Variants in PDE4B observed in about 807,000 individuals in gnomAD.
PDE4B encodes the protein phosphodiesterase 4B, also known as 3',5'-cyclic-AMP phosphodiesterase 4B.
Under a neutral mutation model 82.2 loss-of-function variants are expected in PDE4B, and 20 were observed. The ratio of observed to expected loss-of-function variants is 0.24; its 90% CI spans 0.17 to 0.35. The LOEUF is 0.35. Among genes scored for constraint, PDE4B ranks in the 10% least tolerant of loss-of-function variants. The pLI is 1.00. For synonymous variants in PDE4B, 320 were observed against 318.9 expected (o/e 1.00, Z -0.04); for missense variants, 655 against 907.2 (o/e 0.72, Z 3.57).
chr1:66,083,057 C>T (rs1039067313), intron 3 of PDE4B, among the ~76,000 whole-genome samples: 7 of 152,006 alleles, frequency 4.6e-5, no homozygotes, highest in African/African-American at 1.2e-4. Context: ...AGTCTTCTGC[C>T]GCCTCCCTCA....
intron 3 of PDE4B, among the ~76,000 whole-genome samples, chr1:65,974,240 T>C (rs1937437): frequency 0.64 from 97,955 of 152,066 alleles, 31,695 homozygotes; most frequent in African/African-American, 0.68. Flanking sequence ...TAAAAAATGT[T>C]CTTAAAAACC....
chr1:66,115,252 TC>T (rs1161089913), intron 3 of PDE4B, among the ~76,000 whole-genome samples: 1 of 152,218 alleles, frequency 6.6e-6, no homozygotes, highest in African/African-American at 2.4e-5. Flanking sequence ...TTGCTTACTT[TC>T]GGGTCAACTT....
chr1:65,868,684 T>A lies in PDE4B; in HGVS notation c.-70-44561T>A, dbSNP rs371338413. Among the ~76,000 whole-genome samples the A allele has an allele frequency of 3.0e-4, 45 of 152,294 alleles. 1 individual carries two copies. Among genetic ancestry groups the A allele is most frequent in the African/African-American group, 1.0e-3 (43 of 41,580 alleles). On this transcript the variant is annotated intron_variant, in intron 1 of 16. Transcript: ENST00000341517. Reference sequence around the variant, plus strand: ...CAACCCCCAGGCTGCAGACCAGTAGTGGTCTGTGGCCTGTTAGGAATTGGG... The same window carrying A: ...CAACCCCCAGGCTGCAGACCAGTAGAGGTCTGTGGCCTGTTAGGAATTGGG...
At chr1:66,115,548 C>T (rs1372050495) in intron 3 of PDE4B, among the ~76,000 whole-genome samples, 1 of 152,118 alleles carries the variant, frequency 6.6e-6, no homozygotes, top group Non-Finnish European at 1.5e-5. Flanking sequence ...GTTAATCAGA[C>T]CCTAGGAAAT....
At chr1:65,861,022 C>A (rs1646448402) in intron 1 of PDE4B, among the ~76,000 whole-genome samples, 1 of 152,124 alleles carries the variant, frequency 6.6e-6, no homozygotes, top group Non-Finnish European at 1.5e-5. Flanking sequence ...ATGATAGTTT[C>A]TTTTGCTGTG....
rs535367614 is a variant in PDE4B at position 65,900,849 on chromosome 1, C to A, written c.-70-12396C>A. Among the ~76,000 whole-genome samples the A allele has an allele frequency of 7.9e-5, 12 of 152,102 alleles. 1 individual carries two copies. In the East Asian group the frequency reaches 2.1e-3, roughly 27 times the overall value. On this transcript the variant is annotated intron_variant, in intron 1 of 16. Coordinates refer to ENST00000341517, the MANE Select transcript of PDE4B (RefSeq NM_002600.4). ...TGAAGTCATTTATGAGTTCTAGGAA[C>A]CTTTTAGTGGAGTCCTTAGGGTTTT...
chr1:66,319,969 G>T (rs1035300412), intron 7 of PDE4B, among the ~76,000 whole-genome samples: 2 of 152,160 alleles, frequency 1.3e-5, no homozygotes, highest in Non-Finnish European at 2.9e-5. Flanking sequence ...ACTTTTGGAA[G>T]TTTATCCTAC....
At chr1:65,792,880 G>C (rs1341869063), upstream of PDE4B, among the ~76,000 whole-genome samples, 1 of 152,036 alleles carries the variant, frequency 6.6e-6, no homozygotes, top group Non-Finnish European at 1.5e-5. Flanking sequence ...GTAGGGAGAG[G>C]GGGTTTAAAG....
At chr1:65,960,886 C>T (rs1457487530) in intron 3 of PDE4B, among the ~76,000 whole-genome samples, 1 of 152,224 alleles carries the variant, frequency 6.6e-6, no homozygotes, top group Middle Eastern at 3.4e-3. Context: ...TCTCTCTGAA[C>T]TCAACTTCCA....
intron 4 of PDE4B, among the ~76,000 whole-genome samples, chr1:66,254,409 T>A (rs1312995271): frequency 6.6e-6 from 1 of 152,192 alleles, no homozygotes; most frequent in African/African-American, 2.4e-5. Flanking sequence ...TATTTTTTCT[T>A]TTTTGTATCT....
intron 9 of PDE4B, among the ~76,000 whole-genome samples, chr1:66,358,269 G>C (rs1662427434): frequency 6.6e-6 from 1 of 152,192 alleles, no homozygotes; most frequent in African/African-American, 2.4e-5. Context: ...AAAGAAGGCT[G>C]TTAGGAACGC....
chr1:66,032,393 C>A (rs1007707548), intron 3 of PDE4B, among the ~76,000 whole-genome samples: 1 of 152,046 alleles, frequency 6.6e-6, no homozygotes, highest in Non-Finnish European at 1.5e-5. Context: ...TTTTTTCCAA[C>A]TCTAAGATTT....
Position 66,085,042 on chromosome 1 carries a change from G to A in PDE4B, c.282-162418G>A, listed in dbSNP as rs114465167. Reference sequence around the variant, plus strand: ...TGCACCAAGTATCACGATTAGTAAGGATGGGGCTGGAAATATACCTATGCC... The same window carrying A: ...TGCACCAAGTATCACGATTAGTAAGAATGGGGCTGGAAATATACCTATGCC... On this transcript the variant is annotated intron_variant, in intron 3 of 16. Transcript: ENST00000341517. 4.6e-3 allele frequency among the ~76,000 whole-genome samples: 701 copies of A among 152,244 alleles called. 7 individuals are homozygous for A. Among genetic ancestry groups the A allele is most frequent in the African/African-American group, 0.015 (642 of 41,560 alleles).
At chr1:66,123,541 T>C (rs1195852949) in intron 3 of PDE4B, among the ~76,000 whole-genome samples, 5 of 148,864 alleles carry the variant, frequency 3.4e-5, no homozygotes, top group South Asian at 4.4e-4. Context: ...TTTCTCCCTC[T>C]CTCCCTCCCT....
At chr1:66,354,573 A>G in intron 8 of PDE4B, 1 of 1,263,214 alleles carries the variant, frequency 7.9e-7, no homozygotes, top group South Asian at 2.1e-5. Flanking sequence ...ACATTTGGAC[A>G]GGCTCTTGCT....
At chr1:66,290,124 G>C (rs1442218911) in intron 7 of PDE4B, among the ~76,000 whole-genome samples, 1 of 152,158 alleles carries the variant, frequency 6.6e-6, no homozygotes, top group Non-Finnish European at 1.5e-5. Context: ...ATGTAGCCAA[G>C]AAGAGATATC....
At chr1:66,100,645 C>A (rs558603298) in intron 3 of PDE4B, among the ~76,000 whole-genome samples, 1 of 152,096 alleles carries the variant, frequency 6.6e-6, no homozygotes, top group South Asian at 2.1e-4. Context: ...TCCAGCTTCA[C>A]TGTTGTTGTG....
At chr1:66,147,168 G>A (rs1305898134) in intron 3 of PDE4B, among the ~76,000 whole-genome samples, 7 of 152,172 alleles carry the variant, frequency 4.6e-5, no homozygotes, top group Non-Finnish European at 1.0e-4. Flanking sequence ...GAAAGCACTT[G>A]CACATGAGAC....
At chr1:66,128,854 A>G (rs1275076064) in intron 3 of PDE4B, among the ~76,000 whole-genome samples, 2 of 152,184 alleles carry the variant, frequency 1.3e-5, no homozygotes, top group Non-Finnish European at 1.5e-5. Flanking sequence ...TAAAACCATC[A>G]AATCTCATGA....
Sources: allele counts gnomAD v4.1 joint callset (sites outside exome capture counted in the v4.1 genomes callset), GRCh38; gene constraint gnomAD v4.1.1; transcripts MANE v1.5; gene names NCBI Gene and HGNC (gene_info 2026-07-23, HGNC 2026-07-21).